The following AGMO variants were observed in gnomAD, a reference collection of about 807,000 sequenced individuals.
The protein encoded by AGMO is glyceryl-ether monooxygenase.
AGMO carries 75 observed loss-of-function variants against 60.2 expected under a neutral mutation model. The observed-to-expected ratio is 1.25, with a 90% CI of 1.03 to 1.51. The LOEUF (loss-of-function observed/expected upper bound fraction) is 1.51, where lower values mean the gene tolerates loss of function less well. AGMO is among the 40% of genes most tolerant of loss of function. The pLI, the probability that AGMO is intolerant of heterozygous loss-of-function variation, is 0.00. For missense variants in AGMO, 763 were observed against 525.5 expected, an observed-to-expected ratio of 1.45 and a Z score of -4.42; for synonymous variants, 261 against 177.1, an observed-to-expected ratio of 1.47 and a Z score of -3.76.
chr7:15,530,529 C>T (rs1292675067), intron 3 of AGMO, among the ~76,000 whole-genome samples: 8 of 42,224 alleles, frequency 1.9e-4, no homozygotes, highest in African/African-American at 1.7e-4. Context: ...ATTCTATATA[C>T]GTATTTCTAT....
chr7:15,471,976 A>C (rs1388792311), intron 3 of AGMO, among the ~76,000 whole-genome samples: 1 of 151,930 alleles, frequency 6.6e-6, no homozygotes, highest in Admixed American at 6.6e-5. Context: ...ATGAAAACAA[A>C]GAATATTTTT....
At chr7:15,361,746 G>A (rs975404669) in intron 12 of AGMO, among the ~76,000 whole-genome samples, 2 of 151,980 alleles carry the variant, frequency 1.3e-5, no homozygotes, top group African/African-American at 4.8e-5. Context: ...ATGCAAAACA[G>A]ATAAATAACT....
At chr7:15,130,185 TTAGAG>T in the AGMO span, among the ~76,000 whole-genome samples, 42 of 152,252 alleles carry the variant, frequency 2.8e-4, no homozygotes, top group East Asian at 7.0e-3. Context: ...CCAGCTTTGT[TTAGAG>T]TAATGATTTT....
At chr7:15,450,099 A>G (rs1393381517) in intron 3 of AGMO, among the ~76,000 whole-genome samples, 1 of 152,200 alleles carries the variant, frequency 6.6e-6, no homozygotes, top group Admixed American at 6.5e-5. Flanking sequence ...TACAAATGTA[A>G]TTGATTGCAT....
At chr7:15,531,417 C>A (rs1394023407) in intron 3 of AGMO, among the ~76,000 whole-genome samples, 3 of 56,692 alleles carry the variant, frequency 5.3e-5, no homozygotes, top group Non-Finnish European at 8.8e-5. Context: ...TATATATATT[C>A]TATATATATT....
At chr7:15,171,257 A>G in the AGMO span, among the ~76,000 whole-genome samples, 457 of 152,298 alleles carry the variant, frequency 3.0e-3, 2 homozygotes, top group African/African-American at 0.01. Flanking sequence ...ATGGGATTAC[A>G]GGCTTGAGCC....
the AGMO span, among the ~76,000 whole-genome samples, chr7:15,170,813 C>T: frequency 5.3e-5 from 8 of 152,118 alleles, no homozygotes; most frequent in African/African-American, 1.9e-4. Context: ...TGACATGTCT[C>T]TTTAGGCCCC....
At position 15,512,804 on chromosome 7, in the gene AGMO, C is replaced by T. The variant is rs574002669; in HGVS notation, c.409+31968G>A. Among the ~76,000 whole-genome samples the T allele has an allele frequency of 2.0e-3, 310 of 152,128 alleles. 1 individual carries two copies. The highest frequency in any genetic ancestry group is 6.5e-3 in the African/African-American group (270 of 41,516). ...AAGTACTATTCAATATACATGAAAC[C>T]GCACTTTATTCTCTATGTTTGCTAT... On this transcript the variant is annotated intron_variant, in intron 3 of 12. Transcript: ENST00000342526.
chr7:15,172,329 T>C, the AGMO span, among the ~76,000 whole-genome samples: 6 of 152,146 alleles, frequency 3.9e-5, no homozygotes, highest in Non-Finnish European at 7.4e-5. Context: ...GTTGAGTGTA[T>C]AGCATACCTT....
chr7:15,547,599 C>G (rs1159962661), intron 2 of AGMO, among the ~76,000 whole-genome samples: 1 of 152,142 alleles, frequency 6.6e-6, no homozygotes, highest in Non-Finnish European at 1.5e-5. Context: ...GAATATTGCG[C>G]TTTTCGGACC....
chr7:15,477,211 G>A (rs896324770), intron 3 of AGMO, among the ~76,000 whole-genome samples: 1 of 151,914 alleles, frequency 6.6e-6, no homozygotes, highest in African/African-American at 2.4e-5. Context: ...AGGTATGAAT[G>A]AAACATTAAA....
chr7:15,366,914 G>C (rs989061334), intron 10 of AGMO, among the ~76,000 whole-genome samples: 1 of 152,028 alleles, frequency 6.6e-6, no homozygotes, highest in East Asian at 1.9e-4. Context: ...TTCTAAGACA[G>C]TCTGTCCATT....
intron 4 of AGMO, among the ~76,000 whole-genome samples, chr7:15,425,237 G>A (rs1164189304): frequency 1.3e-5 from 2 of 151,898 alleles, no homozygotes; most frequent in Non-Finnish European, 2.9e-5. Context: ...GCTAGCGTGG[G>A]ACTCAGTTTT....
Position 15,289,458 on chromosome 7 carries a change from A to G in AGMO, c.1263+76056T>C, listed in dbSNP as rs370285716. 4.6e-5 allele frequency among the ~76,000 whole-genome samples: 7 copies of G among 152,262 alleles called. No homozygotes were observed. In the East Asian group the frequency reaches 7.7e-4, roughly 17 times the overall value. ...AAAATTCCAGCTATTACTAGTAAGTAACAGTATTACAATAATGACTCTGGT... is the reference window on the plus strand; with the variant it reads ...AAAATTCCAGCTATTACTAGTAAGTGACAGTATTACAATAATGACTCTGGT... On this transcript the variant is annotated intron_variant, in intron 12 of 12. Coordinates refer to ENST00000342526, the MANE Select transcript of AGMO (RefSeq NM_001004320.2).
intron 2 of AGMO, among the ~76,000 whole-genome samples, chr7:15,546,058 G>C (rs1784774273): frequency 6.6e-6 from 1 of 152,044 alleles, no homozygotes; most frequent in African/African-American, 2.4e-5. Context: ...CACAGAGTCA[G>C]TTTCTGTGAA....
chr7:15,392,197 G>C (rs965887537), intron 6 of AGMO, among the ~76,000 whole-genome samples: 1 of 151,976 alleles, frequency 6.6e-6, no homozygotes, highest in Admixed American at 6.6e-5. Flanking sequence ...AGCCTCCCGA[G>C]TAGCTGCGAC....
chr7:15,536,023 G>A (rs1784476767), intron 3 of AGMO, among the ~76,000 whole-genome samples: 2 of 151,768 alleles, frequency 1.3e-5, no homozygotes, highest in Non-Finnish European at 2.9e-5. Flanking sequence ...AATATAATAT[G>A]CTGTGTTATT....
rs145949446 is a variant in AGMO at position 15,424,915 on chromosome 7, T to C, written c.513+6090A>G. Among the ~76,000 whole-genome samples the C allele has an allele frequency of 4.9e-3, 739 of 152,338 alleles. 2 individuals are homozygous for C. The highest frequency in any genetic ancestry group is 0.017 in the African/African-American group (688 of 41,574). On this transcript the variant is annotated intron_variant, in intron 4 of 12. Transcript: ENST00000342526. ...TTATTTGTTCACATTTGTCTTTATA[T>C]AAGTCCAACTCCCACATATTGAAAA...
chr7:15,460,599 T>G (rs973920185), intron 3 of AGMO, among the ~76,000 whole-genome samples: 2 of 152,084 alleles, frequency 1.3e-5, no homozygotes, highest in African/African-American at 4.8e-5. Flanking sequence ...TTAATTTTAA[T>G]AAGATATTAA....
Sources: gnomAD v4.1 joint callset for allele counts (sites outside exome capture counted in the v4.1 genomes callset) on GRCh38, gnomAD v4.1.1 for gene constraint, MANE v1.5 for transcripts, NCBI Gene and HGNC (gene_info 2026-07-23, HGNC 2026-07-21) for gene names.